SHISA9: variants seen among roughly 807,000 people sequenced by gnomAD.
SHISA9 encodes shisa family member 9.
SHISA9 carries 13 observed loss-of-function variants against 38.0 expected under a neutral mutation model. The ratio of observed to expected loss-of-function variants is 0.34; its 90% confidence interval spans 0.22 to 0.54. The LOEUF (loss-of-function observed/expected upper bound fraction) is 0.54. SHISA9 is among the 20% of genes least tolerant of loss of function. The probability of loss-of-function intolerance (pLI) is 0.91; values close to 1 mark genes in which losing one functional copy is unlikely to be tolerated. For missense variants in SHISA9, 538 were observed against 575.8 expected (o/e 0.93, Z 0.67); for synonymous variants, 275 against 242.0 (o/e 1.14, Z -1.27).
the SHISA9 span, among the ~76,000 whole-genome samples, chr16:13,502,876 G>A: frequency 1.3e-5 from 2 of 151,518 alleles, no homozygotes; most frequent in African/African-American, 2.4e-5. Flanking sequence ...GACCTGTCTC[G>A]AAAAAAATAA....
chr16:13,056,845 G>C (rs908790992), intron 2 of SHISA9, among the ~76,000 whole-genome samples: 2 of 152,212 alleles, frequency 1.3e-5, no homozygotes, highest in African/African-American at 4.8e-5. Context: ...TTCATGCCAC[G>C]AAGCGTTCAT....
chr16:13,406,156 C>G, the SHISA9 span, among the ~76,000 whole-genome samples: 3 of 152,122 alleles, frequency 2.0e-5, no homozygotes, highest in African/African-American at 7.2e-5. Flanking sequence ...TGCAAAAATT[C>G]ACCAAAAGTT....
intron 2 of SHISA9, among the ~76,000 whole-genome samples, chr16:13,075,333 C>G (rs1014458571): frequency 9.2e-5 from 14 of 152,168 alleles, no homozygotes; most frequent in Admixed American, 9.2e-4. Flanking sequence ...GGTGTCAGCC[C>G]CTCCAGAGAC....
the SHISA9 span, among the ~76,000 whole-genome samples, chr16:13,535,121 C>T: frequency 1.3e-5 from 2 of 152,124 alleles, no homozygotes; most frequent in Non-Finnish European, 2.9e-5. Flanking sequence ...TGCTGTGCGC[C>T]TGTAATCCCA....
intron 2 of SHISA9, among the ~76,000 whole-genome samples, chr16:13,005,948 C>T (rs2072592523): frequency 6.6e-6 from 1 of 152,140 alleles, no homozygotes; most frequent in Non-Finnish European, 1.5e-5. Flanking sequence ...GTGGGAGGCT[C>T]TTATTTCGGA....
the SHISA9 span, among the ~76,000 whole-genome samples, chr16:13,533,611 C>A: frequency 6.6e-6 from 1 of 152,078 alleles, no homozygotes; most frequent in East Asian, 1.9e-4. Context: ...TCTGACCTTC[C>A]CTGTTGCATT....
chr16:12,963,832 C>G (rs1460192464), intron 2 of SHISA9, among the ~76,000 whole-genome samples: 1 of 152,172 alleles, frequency 6.6e-6, no homozygotes, highest in Non-Finnish European at 1.5e-5. Context: ...CCCGAGTTAG[C>G]TTATGCTCAC....
At chr16:13,489,714 A>G in the SHISA9 span, among the ~76,000 whole-genome samples, 1 of 152,188 alleles carries the variant, frequency 6.6e-6, no homozygotes, top group Non-Finnish European at 1.5e-5. Flanking sequence ...TTCCTTTATA[A>G]ATTACCCAGT....
chr16:13,039,259 C>T (rs1219748606), intron 2 of SHISA9, among the ~76,000 whole-genome samples: 1 of 152,152 alleles, frequency 6.6e-6, no homozygotes, highest in Non-Finnish European at 1.5e-5. Context: ...TCACAAATGA[C>T]TTTCACATGC....
At chr16:13,537,419 A>ACTT in the SHISA9 span, among the ~76,000 whole-genome samples, 1 of 151,690 alleles carries the variant, frequency 6.6e-6, no homozygotes, top group African/African-American at 2.4e-5. Flanking sequence ...CAAGAATGAA[A>ACTT]CTTCACCTCA....
At chr16:13,323,440 T>C in the SHISA9 span, among the ~76,000 whole-genome samples, 1 of 152,212 alleles carries the variant, frequency 6.6e-6, no homozygotes, top group Non-Finnish European at 1.5e-5. Context: ...GTTTGGATGT[T>C]TGTCCCCCTT....
downstream of SHISA9, chr16:13,240,525 A>T (rs2051426917): frequency 6.6e-6 from 1 of 152,230 alleles, no homozygotes; most frequent in African/African-American, 2.4e-5. Context: ...TACTCAGAAT[A>T]TATGGGAAGT....
chr16:12,960,790 TC>T (rs1332297507), intron 2 of SHISA9, among the ~76,000 whole-genome samples: 5 of 152,128 alleles, frequency 3.3e-5, no homozygotes, highest in Admixed American at 2.6e-4. Context: ...TTCCCTCCTC[TC>T]CAACCCTCTC....
At chr16:13,427,212 C>T in the SHISA9 span, among the ~76,000 whole-genome samples, 1 of 152,160 alleles carries the variant, frequency 6.6e-6, no homozygotes, top group Non-Finnish European at 1.5e-5. Flanking sequence ...ACTCATCAGC[C>T]AGAGTCACAC....
intron 2 of SHISA9, among the ~76,000 whole-genome samples, chr16:12,963,605 A>T (rs1292199048): frequency 6.6e-6 from 1 of 152,190 alleles, no homozygotes; most frequent in Non-Finnish European, 1.5e-5. Flanking sequence ...TTTAATTTTC[A>T]TCATAACACT....
the SHISA9 span, among the ~76,000 whole-genome samples, chr16:13,267,982 A>G: frequency 5.9e-5 from 9 of 152,102 alleles, no homozygotes; most frequent in South Asian, 1.9e-3. Flanking sequence ...GAAAACATTA[A>G]CAGGAGAAAG....
At chr16:13,309,916 T>C in the SHISA9 span, among the ~76,000 whole-genome samples, 1 of 152,032 alleles carries the variant, frequency 6.6e-6, no homozygotes, top group African/African-American at 2.4e-5. Flanking sequence ...AGACAGAGTC[T>C]CACTCTTGTT....
chr16:13,093,608 C>G (rs1355751743), intron 2 of SHISA9, among the ~76,000 whole-genome samples: 1 of 152,072 alleles, frequency 6.6e-6, no homozygotes, highest in African/African-American at 2.4e-5. Context: ...AAAGCCAGGT[C>G]TCTGGGAAAA....
chr16:13,298,710 C>T, the SHISA9 span, among the ~76,000 whole-genome samples: 1 of 152,258 alleles, frequency 6.6e-6, no homozygotes, highest in East Asian at 1.9e-4. Flanking sequence ...CTGTCAAAGC[C>T]GTACTTCATC....
Sources: allele counts gnomAD v4.1 joint callset (sites outside exome capture counted in the v4.1 genomes callset), GRCh38; gene constraint gnomAD v4.1.1; transcripts MANE v1.5; gene names NCBI Gene and HGNC (gene_info 2026-07-23, HGNC 2026-07-21).